The following IL1RAPL1 variants were observed in gnomAD, a reference collection of about 807,000 sequenced individuals.
IL1RAPL1 encodes interleukin 1 receptor accessory protein like 1.
IL1RAPL1 carries 3 observed loss-of-function variants against 48.4 expected under a neutral mutation model. The ratio of observed to expected loss-of-function variants is 0.06; its 90% CI spans 0.03 to 0.16. IL1RAPL1 has a LOEUF of 0.16. Ranked by LOEUF, IL1RAPL1 falls within the 10% of genes least tolerant of loss-of-function variation. The probability of loss-of-function intolerance (pLI) is 1.00; values close to 1 mark genes in which losing one functional copy is unlikely to be tolerated. For missense variants in IL1RAPL1, 349 were observed against 530.6 expected (o/e 0.66, Z 3.36); for synonymous variants, 185 against 187.7 (o/e 0.99, Z 0.12).
Position 29,319,558 on chromosome X carries a change from G to GTATC in IL1RAPL1, c.362+36358_362+36361dup, listed in dbSNP as rs753188364. ...TGTATGTATGTATGTATGTATGTAT[G>GTATC]TATCTATCTATCTATCTATCCATCC... On this transcript the variant is annotated intron_variant, in intron 3 of 10. Transcript: ENST00000378993. 2.2e-3 allele frequency among the ~76,000 whole-genome samples: 177 copies of GTATC among 82,011 alleles called. 1 individual carries two copies. Among genetic ancestry groups the GTATC allele is most frequent in the East Asian group, 0.013 (37 of 2,777 alleles). 71.2% of individuals were successfully genotyped at this position (82,011 alleles called of 115,157 possible).
chrX:29,755,865 A>G (rs1431200333), intron 6 of IL1RAPL1, among the ~76,000 whole-genome samples: 1 of 112,154 alleles, frequency 8.9e-6, no homozygotes, highest in East Asian at 2.8e-4. Flanking sequence ...AATGAGAAAC[A>G]ACTATAAAAT....
chrX:28,894,463 G>T (rs1198585679), intron 2 of IL1RAPL1, among the ~76,000 whole-genome samples: 1 of 111,446 alleles, frequency 9.0e-6, no homozygotes, highest in Admixed American at 9.5e-5. Flanking sequence ...CAGTCATGGG[G>T]GTCAGGTGTG....
At chrX:29,798,707 C>A (rs1335532850) in intron 6 of IL1RAPL1, among the ~76,000 whole-genome samples, 1 of 112,142 alleles carries the variant, frequency 8.9e-6, no homozygotes, top group Non-Finnish European at 1.9e-5. Flanking sequence ...TAATGCTCTG[C>A]ACAAAAGGAA....
At chrX:29,821,407 A>G (rs183706253) in intron 6 of IL1RAPL1, among the ~76,000 whole-genome samples, 4,073 of 110,652 alleles carry the variant, frequency 0.037, 184 homozygotes, top group African/African-American at 0.13. Context: ...CCAAGATCAC[A>G]CCACTGCCCT....
intron 5 of IL1RAPL1, among the ~76,000 whole-genome samples, chrX:29,602,139 A>T (rs767116523): frequency 9.1e-6 from 1 of 109,349 alleles, no homozygotes; most frequent in Non-Finnish European, 1.9e-5. Flanking sequence ...ATGCACCACC[A>T]CACCCTGCTA....
At chrX:28,909,803 C>T (rs973387306) in intron 2 of IL1RAPL1, among the ~76,000 whole-genome samples, 1 of 110,948 alleles carries the variant, frequency 9.0e-6, no homozygotes, top group African/African-American at 3.3e-5. Context: ...TGGTTTATTC[C>T]CCTTCGCAAA....
intron 2 of IL1RAPL1, among the ~76,000 whole-genome samples, chrX:28,900,315 T>A: frequency 8.9e-6 from 1 of 112,161 alleles, no homozygotes; most frequent in Non-Finnish European, 1.9e-5. Context: ...GTGATTTACA[T>A]ATAAATGATC....
At chrX:29,478,439 CCT>C (rs1175465500) in intron 5 of IL1RAPL1, among the ~76,000 whole-genome samples, 1 of 111,443 alleles carries the variant, frequency 9.0e-6, no homozygotes, top group East Asian at 2.8e-4. Flanking sequence ...GCTGTGTCCC[CCT>C]GTTACATCTC....
chrX:29,549,453 TATC>T (rs1921732874), intron 5 of IL1RAPL1, among the ~76,000 whole-genome samples: 1 of 111,485 alleles, frequency 9.0e-6, no homozygotes, highest in Non-Finnish European at 1.9e-5. Context: ...TATTATTAGT[TATC>T]GTTGTTAATA....
At chrX:29,549,052 G>A (rs1921719729) in intron 5 of IL1RAPL1, among the ~76,000 whole-genome samples, 1 of 111,888 alleles carries the variant, frequency 8.9e-6, no homozygotes, top group Non-Finnish European at 1.9e-5. Context: ...AGTGAGACTA[G>A]TAGTTATTTA....
chrX:29,029,644 T>G (rs2147408183), intron 2 of IL1RAPL1, among the ~76,000 whole-genome samples: 1 of 112,100 alleles, frequency 8.9e-6, no homozygotes, highest in East Asian at 2.8e-4. Flanking sequence ...TGCATGACAG[T>G]CTTTTATCAG....
At chrX:29,339,181 T>C (rs1229065740) in intron 3 of IL1RAPL1, among the ~76,000 whole-genome samples, 1 of 111,005 alleles carries the variant, frequency 9.0e-6, no homozygotes, top group Non-Finnish European at 1.9e-5. Context: ...AAGTCTTTTA[T>C]AAGAAAGGCA....
intron 6 of IL1RAPL1, among the ~76,000 whole-genome samples, chrX:29,903,026 G>C (rs1410059085): frequency 9.0e-6 from 1 of 110,610 alleles, no homozygotes; most frequent in East Asian, 2.8e-4. Context: ...CTTTCTTTTA[G>C]AATTCTTAGA....
In IL1RAPL1 at chrX:29,217,777, T is replaced by TCACACA. The variant is rs750727005; in HGVS notation, c.83-65125_83-65120dup. ...TTTTTTCTCTCTCTCTCTCTCTCTC[T>TCACACA]CACACACACACACACACACACACAC... is the stretch of plus-strand genomic sequence containing the variant. On this transcript the variant is annotated intron_variant, in intron 2 of 10. Transcript: ENST00000378993. Among the ~76,000 whole-genome samples the TCACACA allele has an allele frequency of 9.1e-4, 55 of 60,633 alleles. 1 individual carries two copies. Among genetic ancestry groups the TCACACA allele is most frequent in the South Asian group, 3.0e-3 (3 of 1,000 alleles). 52.7% of individuals were successfully genotyped at this position (60,633 alleles called of 115,157 possible).
intron 2 of IL1RAPL1, among the ~76,000 whole-genome samples, chrX:28,882,603 A>G (rs1922530256): frequency 2.7e-5 from 3 of 111,612 alleles, no homozygotes; most frequent in Non-Finnish European, 5.7e-5. Context: ...AAATCATGCC[A>G]TTGCACTCCA....
chrX:29,838,681 A>G (rs1931068952), intron 6 of IL1RAPL1, among the ~76,000 whole-genome samples: 1 of 112,241 alleles, frequency 8.9e-6, no homozygotes, highest in Non-Finnish European at 1.9e-5. Flanking sequence ...GCATAGGTAT[A>G]GAATCCAGCC....
At chrX:29,200,220 G>A (rs751947674) in intron 2 of IL1RAPL1, among the ~76,000 whole-genome samples, 1 of 111,327 alleles carries the variant, frequency 9.0e-6, no homozygotes, top group South Asian at 3.9e-4. Flanking sequence ...CTGGAAAATT[G>A]CAGTGCTTTA....
intron 2 of IL1RAPL1, among the ~76,000 whole-genome samples, chrX:28,908,824 T>A (rs1923286781): frequency 8.9e-6 from 1 of 112,041 alleles, no homozygotes; most frequent in Admixed American, 9.5e-5. Context: ...TTTATCTATT[T>A]TTCTTTTCAT....
chrX:28,759,496 A>T (rs1415756647), intron 1 of IL1RAPL1, among the ~76,000 whole-genome samples: 1 of 110,841 alleles, frequency 9.0e-6, no homozygotes, highest in East Asian at 2.8e-4. Context: ...TTTTATAAAC[A>T]TACTAATCAA....
Sources: allele counts gnomAD v4.1 joint callset (sites outside exome capture counted in the v4.1 genomes callset), GRCh38; gene constraint gnomAD v4.1.1; transcripts MANE v1.5; gene names NCBI Gene and HGNC (gene_info 2026-07-23, HGNC 2026-07-21).